ARAP2: variants seen among roughly 807,000 people sequenced by gnomAD.
ARAP2 encodes arf-GAP with Rho-GAP domain, ANK repeat and PH domain-containing protein 2.
A neutral mutation model predicts 194.5 loss-of-function variants in ARAP2; 148 were observed. That is an observed-to-expected ratio of 0.76 (90% CI 0.67 to 0.87). The LOEUF (loss-of-function observed/expected upper bound fraction) is 0.87, where lower values mean the gene tolerates loss of function less well. ARAP2 is among the 40% of genes least tolerant of loss of function. ARAP2 has a pLI of 0.00. For missense variants in ARAP2, 2,128 were observed against 1,989.7 expected, an observed-to-expected ratio of 1.07 and a Z score of -1.32; for synonymous variants, 695 against 683.5, an observed-to-expected ratio of 1.02 and a Z score of -0.26.
intron 8 of ARAP2, among the ~76,000 whole-genome samples, chr4:36,181,128 G>GA (rs1739146074): frequency 6.6e-6 from 1 of 152,128 alleles, no homozygotes; most frequent in African/African-American, 2.4e-5. Context: ...TATTCTTACC[G>GA]ATAACAAATA....
chr4:36,088,589 G>C (rs1389333991), intron 28 of ARAP2, among the ~76,000 whole-genome samples: 1 of 152,074 alleles, frequency 6.6e-6, no homozygotes, highest in African/African-American at 2.4e-5. Context: ...AAGGGCTGCA[G>C]AATTCAGGCT....
At chr4:36,024,393 TAAGAA>T (rs2109346954) in intron 5 of ARAP2, among the ~76,000 whole-genome samples, 1 of 152,290 alleles carries the variant, frequency 6.6e-6, no homozygotes, top group African/African-American at 2.4e-5. Context: ...GAAATAAGTG[TAAGAA>T]AAGAAAATAT....
intron 19 of ARAP2, among the ~76,000 whole-genome samples, chr4:36,142,711 C>T (rs1728631936): frequency 6.6e-6 from 1 of 151,640 alleles, no homozygotes; most frequent in South Asian, 2.1e-4. Flanking sequence ...TCTGAGGAAA[C>T]AAGCAGCTAC....
At chr4:36,126,132 T>C (rs1156542228) in intron 21 of ARAP2, among the ~76,000 whole-genome samples, 1 of 151,994 alleles carries the variant, frequency 6.6e-6, no homozygotes, top group African/African-American at 2.4e-5. Flanking sequence ...CACTAGTAGA[T>C]GACTCTCTAT....
intron 26 of ARAP2, among the ~76,000 whole-genome samples, chr4:36,112,879 C>T (rs990704756): frequency 6.6e-6 from 1 of 151,528 alleles, no homozygotes; most frequent in Non-Finnish European, 1.5e-5. Flanking sequence ...TTGGGAAACA[C>T]CAGTTAATAC....
chr4:36,121,973 T>C (rs989808158), intron 22 of ARAP2, among the ~76,000 whole-genome samples: 1 of 151,756 alleles, frequency 6.6e-6, no homozygotes, highest in East Asian at 1.9e-4. Context: ...TTTCAATCAG[T>C]AGGCTATAAC....
rs561061917 is a variant in ARAP2 at position 36,204,975 on chromosome 4, G to A, written c.1487+5415C>T. ...TGCACTCCAGCCTGGGCAACCGAGCGAGACTCCATCTCAAAAAAAAAAAAA... is the reference window on the plus strand; with the variant it reads ...TGCACTCCAGCCTGGGCAACCGAGCAAGACTCCATCTCAAAAAAAAAAAAA... On this transcript the variant is annotated intron_variant, in intron 6 of 32. Coordinates refer to ENST00000303965, the MANE Select transcript of ARAP2 (RefSeq NM_015230.4). Among the ~76,000 whole-genome samples the A allele has an allele frequency of 3.8e-3, 372 of 98,796 alleles. 4 individuals are homozygous for A. The highest frequency in any genetic ancestry group is 0.015 in the African/African-American group (358 of 23,562). The allele number at this position is 98,796 out of a possible 152,430, so 64.8% of individuals were successfully genotyped here.
chr4:36,008,533 A>G (rs2109302771), intron 9 of ARAP2, among the ~76,000 whole-genome samples: 1 of 152,208 alleles, frequency 6.6e-6, no homozygotes, highest in Middle Eastern at 3.4e-3. Flanking sequence ...ACCATACACA[A>G]AAAATTAACC....
At chr4:36,158,302 GA>G (rs895792543) in intron 15 of ARAP2, among the ~76,000 whole-genome samples, 3 of 146,446 alleles carry the variant, frequency 2.0e-5, no homozygotes, top group Middle Eastern at 3.5e-3. Context: ...CTTTTCATCA[GA>G]AAAAAAAAAC....
At chr4:36,147,245 C>T in intron 19 of ARAP2, 51 bp downstream of exon 19, 2 of 1,521,514 alleles carry the variant, frequency 1.3e-6, no homozygotes, top group Non-Finnish European at 1.8e-6. Context: ...AAACAAAATC[C>T]CGCTGCCCAG....
At chr4:36,152,835 C>G (rs1010648867) in intron 15 of ARAP2, among the ~76,000 whole-genome samples, 2 of 152,106 alleles carry the variant, frequency 1.3e-5, no homozygotes, top group African/African-American at 2.4e-5. Flanking sequence ...CTGCAAAAAC[C>G]CTATTTGCCC....
chr4:36,015,741 G>A (rs1220996477), intron 7 of ARAP2: 3 of 152,128 alleles, frequency 2.0e-5, no homozygotes, highest in Admixed American at 6.5e-5. Context: ...TCAATAGATG[G>A]AAAATAGATT....
At chr4:36,105,151 C>T (rs908455425) in intron 27 of ARAP2, among the ~76,000 whole-genome samples, 1 of 151,950 alleles carries the variant, frequency 6.6e-6, no homozygotes, top group Non-Finnish European at 1.5e-5. Context: ...GAAAGCCAGT[C>T]TCCAATAAAA....
chr4:36,086,664 T>A (rs1219024916), intron 28 of ARAP2, among the ~76,000 whole-genome samples: 3 of 152,166 alleles, frequency 2.0e-5, no homozygotes, highest in Non-Finnish European at 4.4e-5. Context: ...GTCTGAAATG[T>A]GTTGCTTCAG....
At chr4:36,184,758 G>A (rs1740128337) in intron 8 of ARAP2, among the ~76,000 whole-genome samples, 2 of 152,176 alleles carry the variant, frequency 1.3e-5, no homozygotes. Context: ...CAAGAGAAAG[G>A]TGATAAGCAC....
At chr4:36,118,569 G>C (rs1560467895) in intron 24 of ARAP2, among the ~76,000 whole-genome samples, 1 of 151,198 alleles carries the variant, frequency 6.6e-6, no homozygotes, top group African/African-American at 2.4e-5. Context: ...ATTGTAATAT[G>C]AATATAAAAG....
In ARAP2 at chr4:36,229,192, C is replaced by G. The variant is rs1750956619; in HGVS notation, c.295G>C (p.Asp99His). 1.2e-6 allele frequency: 2 copies of G among 1,614,100 alleles called. No homozygotes were observed. The highest frequency in any genetic ancestry group is 1.7e-5 in the Admixed American group (1 of 60,006). Residue 99 changes from aspartate (D) to histidine (H), a missense_variant, in exon 2 of 33, where the codon GAT (aspartate) becomes CAT (histidine). Asp to His is a moderately conservative substitution (Grantham distance 81, BLOSUM62 -1). Transcript: ENST00000303965. ...GAAAGTTCTATGCAGATATTCTGAT[C>G]AGAAGATGGAACATGGTAATCCTTT... ...PSKDYHVPSS[D>H]QNICIELSNS...
chr4:36,152,121 C>T (rs545107285), intron 15 of ARAP2, among the ~76,000 whole-genome samples: 1 of 152,160 alleles, frequency 6.6e-6, no homozygotes, highest in East Asian at 1.9e-4. Flanking sequence ...ACAGTGACAC[C>T]TAGAGAGCTA....
At position 36,120,402 on chromosome 4, in the gene ARAP2, G is replaced by A. The variant is rs958441232; in HGVS notation, c.3895-684C>T. Among the ~76,000 whole-genome samples, 12 of 151,598 alleles carry A rather than the reference G, an allele frequency of 7.9e-5. No individual in the cohort carries two copies. The South Asian group carries it at 1.2e-3, about 16-fold the overall frequency. ...TATGATAAGTGATTATAATAAGAAC[G>A]TAAGAACTCTACAATGGTAACCAAT... On this transcript the variant is annotated intron_variant, in intron 23 of 32. Transcript: ENST00000303965.
Sources: gnomAD v4.1 joint callset for allele counts (sites outside exome capture counted in the v4.1 genomes callset) on GRCh38, gnomAD v4.1.1 for gene constraint, MANE v1.5 for transcripts, NCBI Gene and HGNC (gene_info 2026-07-23, HGNC 2026-07-21) for gene names.